The following PDILT variants were observed in gnomAD, a reference collection of about 807,000 sequenced individuals.
PDILT encodes the protein protein disulfide-isomerase-like protein of the testis.
PDILT carries 43 observed loss-of-function variants against 53.7 expected under a neutral mutation model. The ratio of observed to expected loss-of-function variants is 0.80; its 90% CI spans 0.63 to 1.03. The LOEUF is 1.03. Ranked by LOEUF, PDILT falls within the 50% of genes least tolerant of loss-of-function variation. PDILT has a pLI of 0.00. For missense variants in PDILT, 727 were observed against 712.3 expected (o/e 1.02, Z -0.24); for synonymous variants, 282 against 274.2 (o/e 1.03, Z -0.28).
chr16:20,372,991 G>T (rs538786349), intron 6 of PDILT, 21 bp downstream of exon 6: 1 of 1,613,610 alleles, frequency 6.2e-7, no homozygotes, highest in Non-Finnish European at 8.5e-7. Context: ...CCCTTCCTCC[G>T]GGGACCATTT....
Position 20,369,430 on chromosome 16 carries a change from A to G in PDILT, c.1116+62T>C, listed in dbSNP as rs1295913580. 3.3e-6 allele frequency: 5 copies of G among 1,531,694 alleles called. No homozygotes were observed. In the East Asian group the frequency reaches 1.1e-4, roughly 35 times the overall value. 94.9% of individuals were successfully genotyped at this position (1,531,694 alleles called of 1,614,324 possible). On this transcript the variant is annotated intron_variant, in intron 8 of 11. Transcript: ENST00000302451. ...GGTGAGGAGAATTATCAAGGCCAAC[A>G]GAATTATGAGAAGGAGATGATTTTG...
At chr16:20,395,563 A>T (rs1966652236) in intron 2 of PDILT, among the ~76,000 whole-genome samples, 1 of 152,110 alleles carries the variant, frequency 6.6e-6, no homozygotes, top group Non-Finnish European at 1.5e-5. Flanking sequence ...GTCCCACCTC[A>T]CATAGTGTGT....
At chr16:20,401,764 G>T (rs1966743528) in intron 1 of PDILT, among the ~76,000 whole-genome samples, 1 of 152,222 alleles carries the variant, frequency 6.6e-6, no homozygotes, top group African/African-American at 2.4e-5. Context: ...GGAGGGCTGA[G>T]CCTCTGAGCA....
intron 7 of PDILT, among the ~76,000 whole-genome samples, chr16:20,371,614 A>G (rs971737459): frequency 1.3e-5 from 2 of 152,228 alleles, no homozygotes; most frequent in African/African-American, 4.8e-5. Context: ...AATGGATCAC[A>G]GTCTATAAAA....
chr16:20,394,853 G>T (rs773412852), intron 2 of PDILT, among the ~76,000 whole-genome samples: 2 of 152,178 alleles, frequency 1.3e-5, no homozygotes, highest in African/African-American at 4.8e-5. Context: ...AAGGAGACTG[G>T]TTGCCTGAAT....
At position 20,362,412 on chromosome 16, in the gene PDILT, A is replaced by G; in HGVS notation, c.1408T>C (p.Ser470Pro). ...TCCCAAGAGCCCCTCACTTGTTGAG[A>G]GCCGCTGGGGAACAGCCTGAAGAAT... The part of the protein sequence containing the change: ...YPFFRLFPSG[S>P]QQAVLYKGEH... Residue 470 changes from serine (S) to proline (P), a missense_variant, in exon 10 of 12, where the codon TCT becomes CCT. Transcript: ENST00000302451. 1 of 1,614,098 alleles carries G rather than the reference A, an allele frequency of 6.2e-7. No homozygotes were observed. The highest frequency in any genetic ancestry group is 8.5e-7 in the Non-Finnish European group (1 of 1,179,978).
chr16:20,398,347 C>T (rs1312368539), intron 2 of PDILT, among the ~76,000 whole-genome samples: 1 of 152,168 alleles, frequency 6.6e-6, no homozygotes, highest in East Asian at 1.9e-4. Context: ...CTCGGCTGGG[C>T]ACAGTGGTTC....
intron 7 of PDILT, among the ~76,000 whole-genome samples, chr16:20,370,456 G>A (rs1043636705): frequency 2.6e-5 from 4 of 152,160 alleles, no homozygotes; most frequent in African/African-American, 7.2e-5. Flanking sequence ...CATTTCAGCT[G>A]GGACATAGTT....
chr16:20,384,457 C>T (rs1220898538), intron 3 of PDILT, among the ~76,000 whole-genome samples, 188 bp downstream of exon 3: 2 of 152,130 alleles, frequency 1.3e-5, no homozygotes, highest in African/African-American at 2.4e-5. Flanking sequence ...ACCCCTTACC[C>T]CAACTGCTGG....
chr16:20,362,816 G>A (rs1464331932), intron 9 of PDILT, among the ~76,000 whole-genome samples: 1 of 152,096 alleles, frequency 6.6e-6, no homozygotes, highest in Admixed American at 6.6e-5. Context: ...GCTCACACCT[G>A]TAATCCCAGC....
At chr16:20,380,169 C>T (rs1156342408) in intron 3 of PDILT, among the ~76,000 whole-genome samples, 1 of 152,216 alleles carries the variant, frequency 6.6e-6, no homozygotes, top group African/African-American at 2.4e-5. Context: ...TCTTCCAGAA[C>T]ACTGGCTTCA....
intron 2 of PDILT, among the ~76,000 whole-genome samples, chr16:20,394,651 T>A (rs1469913068): frequency 6.6e-6 from 1 of 152,254 alleles, no homozygotes; most frequent in Non-Finnish European, 1.5e-5. Context: ...GGAGTCTGCA[T>A]TTCTATGAGC....
chr16:20,367,083 CTTTCTTTCTTTCTTTCTTT>C lies in PDILT; in HGVS notation c.1117-1562_1117-1544del, dbSNP rs1567320914. Among the ~76,000 whole-genome samples, 423 of 115,742 alleles carry C rather than the reference CTTTCTTTCTTTCTTTCTTT, an allele frequency of 3.7e-3. 12 individuals carry two copies. The highest frequency in any genetic ancestry group is 0.012 in the African/African-American group (340 of 27,992). 75.9% of individuals were successfully genotyped at this position (115,742 alleles called of 152,430 possible). On this transcript the variant is annotated intron_variant, in intron 8 of 11. Transcript: ENST00000302451. The stretch of plus-strand genomic sequence containing the variant: ...TCTTTCTTTCTTTCTTTCTTTCTTT[CTTTCTTTCTTTCTTTCTTT>C]CTTCCTTTCTTTCCTTTTGAGACAG...
rs552605552 is a variant in PDILT at position 20,364,148 on chromosome 16, G to A, written c.1237+1272C>T. Among the ~76,000 whole-genome samples, 287 of 152,280 alleles carry A rather than the reference G, an allele frequency of 1.9e-3. 1 individual carries two copies. Among genetic ancestry groups the A allele is most frequent in the African/African-American group, 6.6e-3 (275 of 41,566 alleles). On this transcript the variant is annotated intron_variant, in intron 9 of 11. Transcript: ENST00000302451. The stretch of plus-strand genomic sequence containing the variant: ...TGCAGCCCCAGGGGGCCAATCCCGT[G>A]GCCCTACTTCCAAGAAAATGAAGCT...
chr16:20,359,802 G>C (rs1399514600), intron 11 of PDILT, among the ~76,000 whole-genome samples: 1 of 152,178 alleles, frequency 6.6e-6, no homozygotes, highest in African/African-American at 2.4e-5. Context: ...AGGACCTTTG[G>C]GGGAACCAAA....
chr16:20,391,361 A>G (rs1342783857), intron 2 of PDILT, among the ~76,000 whole-genome samples: 3 of 152,062 alleles, frequency 2.0e-5, no homozygotes, highest in African/African-American at 7.3e-5. Context: ...CATTGTCATC[A>G]TCATCATCAT....
intron 2 of PDILT, among the ~76,000 whole-genome samples, chr16:20,385,590 G>A (rs1254192765): frequency 2.0e-5 from 3 of 152,176 alleles, no homozygotes; most frequent in Non-Finnish European, 4.4e-5. Context: ...CAGATGCGGG[G>A]AGGCTGGGTG....
At chr16:20,367,270 T>C (rs1966226926) in intron 8 of PDILT, among the ~76,000 whole-genome samples, 2 of 151,668 alleles carry the variant, frequency 1.3e-5, no homozygotes, top group Non-Finnish European at 1.5e-5. Flanking sequence ...ACCCGGCTAA[T>C]GTTTTGTATT....
chr16:20,369,613 T>A lies in PDILT; in HGVS notation c.995A>T (p.Asp332Val). The A allele has an allele frequency of 6.2e-7, 1 of 1,614,232 alleles. No individual in the cohort carries two copies. The highest frequency in any genetic ancestry group is 8.5e-7 in the Non-Finnish European group (1 of 1,180,046). ...VFKYFRVTEV[D>V]IPSVQILNLS... Reference sequence around the variant, plus strand: ...GTTTAGGATTTGGACGGATGGGATATCGACCTCTGTGACCCGGAAGTACTT... The same window carrying A: ...GTTTAGGATTTGGACGGATGGGATAACGACCTCTGTGACCCGGAAGTACTT... Residue 332 changes from aspartate (D) to valine (V), a missense_variant, in exon 8 of 12, where the codon GAT becomes GTT. Coordinates refer to ENST00000302451, the MANE Select transcript of PDILT (RefSeq NM_174924.2).
Sources: allele counts gnomAD v4.1 joint callset (sites outside exome capture counted in the v4.1 genomes callset), GRCh38; gene constraint gnomAD v4.1.1; transcripts MANE v1.5; gene names NCBI Gene and HGNC (gene_info 2026-07-23, HGNC 2026-07-21).